KDM2A: variants seen among roughly 807,000 people sequenced by gnomAD.
KDM2A encodes the protein lysine demethylase 2A, also known as lysine-specific demethylase 2A.
In KDM2A, 3 loss-of-function variants were observed where a neutral mutation model predicts 137.3. The ratio of observed to expected loss-of-function variants is 0.02; its 90% CI spans 0.01 to 0.06. The LOEUF (loss-of-function observed/expected upper bound fraction) is 0.06, where lower values mean the gene tolerates loss of function less well. Among genes scored for constraint, KDM2A ranks in the 10% least tolerant of loss-of-function variants. The pLI, the probability that KDM2A is intolerant of heterozygous loss-of-function variation, is 1.00. For missense variants in KDM2A, 738 were observed against 1,510.6 expected (o/e 0.49, Z 8.48); for synonymous variants, 512 against 541.5 (o/e 0.95, Z 0.76).
chr11:67,133,582 T>C (rs77530290), intron 2 of KDM2A, among the ~76,000 whole-genome samples: 4,628 of 151,996 alleles, frequency 0.03, 106 homozygotes, highest in African/African-American at 0.065. Flanking sequence ...TTTATATTTT[T>C]AGTAGAGACG....
At position 67,215,428 on chromosome 11, in the gene KDM2A, A is replaced by G; in HGVS notation, c.575A>G (p.Gln192Arg). The G allele has an allele frequency of 6.2e-7, 1 of 1,612,502 alleles. No individual in the cohort carries two copies. Among genetic ancestry groups the G allele is most frequent in the Non-Finnish European group, 8.5e-7 (1 of 1,178,648 alleles). Residue 192 changes from glutamine (Q) to arginine (R), a missense_variant, in exon 7 of 21, where the codon CAG becomes CGG. Physicochemically the swap from Gln to Arg is conservative, Grantham distance 43 (BLOSUM62 1). Coordinates refer to ENST00000529006, the MANE Select transcript of KDM2A (RefSeq NM_012308.3). ...TESTNAILEMQYPKVQKYCLM... is the reference protein window; with the variant it reads ...TESTNAILEMRYPKVQKYCLM... ...TCAACAAATGCCATCTTGGAGATGC[A>G]GTACCCTAAAGTGCAGAAGTAAGTG...
At chr11:67,155,989 C>T (rs185783880) in intron 2 of KDM2A, among the ~76,000 whole-genome samples, 1 of 147,572 alleles carries the variant, frequency 6.8e-6, no homozygotes, top group Non-Finnish European at 1.5e-5. Context: ...GGGCTCACGC[C>T]TGTAATCCCA....
At chr11:67,182,858 C>A (rs1857121425) in intron 5 of KDM2A, among the ~76,000 whole-genome samples, 1 of 152,116 alleles carries the variant, frequency 6.6e-6, no homozygotes, top group Admixed American at 6.6e-5. Context: ...TGAAATGCGT[C>A]CAATAGGACT....
Position 67,248,286 on chromosome 11 carries a change from C to T in KDM2A, c.1971C>T (p.Asp657=), listed in dbSNP as rs755557910. 1.5e-5 allele frequency: 24 copies of T among 1,603,572 alleles called. No individual in the cohort carries two copies. Among genetic ancestry groups the T allele is most frequent in the Middle Eastern group, 1.6e-4 (1 of 6,070 alleles). ...ACATCTCTGTCTTCCTATAGATGGA[C>T]GGAGAGGGGTTGCTTAACGAAGAAT... is the stretch of plus-strand genomic sequence containing the variant. ...EIVHPGCLQM[D]GEGLLNEELP... The change falls in exon 16 of 21, where the codon GAC becomes GAT. Residue 657 remains aspartate, a synonymous_variant. Transcript: ENST00000529006.
chr11:67,203,165 C>G (rs1167890349), intron 5 of KDM2A, among the ~76,000 whole-genome samples: 3 of 152,100 alleles, frequency 2.0e-5, no homozygotes, highest in African/African-American at 7.2e-5. Flanking sequence ...ACTGAAGGCT[C>G]AGATGATTGT....
At chr11:67,225,978 T>G (rs1003019902) in intron 10 of KDM2A, among the ~76,000 whole-genome samples, 13 of 152,024 alleles carry the variant, frequency 8.6e-5, no homozygotes, top group Non-Finnish European at 7.4e-5. Flanking sequence ...GGCAGGAGAA[T>G]CGCTTGAACC....
intron 2 of KDM2A, among the ~76,000 whole-genome samples, chr11:67,171,452 C>A (rs1293466355): frequency 7.3e-5 from 11 of 150,432 alleles, no homozygotes; most frequent in Non-Finnish European, 1.5e-5. Context: ...CATAATGGGG[C>A]CTTAAGTTGT....
intron 5 of KDM2A, among the ~76,000 whole-genome samples, chr11:67,203,864 G>A (rs1351087409): frequency 6.6e-6 from 1 of 150,684 alleles, no homozygotes; most frequent in Non-Finnish European, 1.5e-5. Flanking sequence ...GCAGTGGTGC[G>A]ATCTTGGCTC....
intron 5 of KDM2A, among the ~76,000 whole-genome samples, chr11:67,188,279 G>A (rs1164212141): frequency 1.3e-5 from 2 of 151,976 alleles, no homozygotes. Context: ...TCAGGAGATC[G>A]AGACCATCCT....
chr11:67,129,748 A>G (rs1245180373), intron 2 of KDM2A, among the ~76,000 whole-genome samples: 1 of 144,702 alleles, frequency 6.9e-6, no homozygotes, highest in Non-Finnish European at 1.5e-5. Flanking sequence ...AAAAAAAAAA[A>G]AAGAAAAAGA....
chr11:67,215,644 A>G, intron 7 of KDM2A, 198 bp downstream of exon 7: 1 of 623,766 alleles, frequency 1.6e-6, no homozygotes. Context: ...AGTTAAAGGA[A>G]AAAAAACTTA....
At chr11:67,231,537 C>A in intron 11 of KDM2A, 29 bp from the exon 12 acceptor site, 3 of 1,545,996 alleles carry the variant, frequency 1.9e-6, no homozygotes, top group South Asian at 1.2e-5. Flanking sequence ...GTGAAATGTT[C>A]TTACTGCATT....
At chr11:67,186,948 G>A (rs1354431908) in intron 5 of KDM2A, among the ~76,000 whole-genome samples, 1 of 152,068 alleles carries the variant, frequency 6.6e-6, no homozygotes, top group Non-Finnish European at 1.5e-5. Context: ...AAGTTTAAGG[G>A]CAAAAGCTAA....
At chr11:67,189,794 C>T (rs575562599) in intron 5 of KDM2A, among the ~76,000 whole-genome samples, 2 of 151,730 alleles carry the variant, frequency 1.3e-5, no homozygotes, top group South Asian at 2.1e-4. Context: ...GAGCCAAGAT[C>T]GCACATTGCA....
intron 5 of KDM2A, among the ~76,000 whole-genome samples, chr11:67,182,649 C>T (rs2136337577): frequency 1.3e-5 from 2 of 151,680 alleles, no homozygotes; most frequent in South Asian, 4.2e-4. Flanking sequence ...TCTCCCACCT[C>T]AGCCTCCCGA....
chr11:67,237,833 G>C (rs1357538375), intron 12 of KDM2A, among the ~76,000 whole-genome samples: 2 of 151,682 alleles, frequency 1.3e-5, no homozygotes, highest in African/African-American at 4.8e-5. Flanking sequence ...TGTAGTCCCA[G>C]CTACTCAGGA....
chr11:67,206,168 CAT>C (rs1590784232), intron 5 of KDM2A, among the ~76,000 whole-genome samples: 1 of 152,208 alleles, frequency 6.6e-6, no homozygotes, highest in Non-Finnish European at 1.5e-5. Context: ...CAGTGGCTCA[CAT>C]GTGTAATCCC....
At chr11:67,127,486 TAAG>T (rs985227755) in intron 2 of KDM2A, among the ~76,000 whole-genome samples, 3 of 152,000 alleles carry the variant, frequency 2.0e-5, no homozygotes. Context: ...AAATAAAAAA[TAAG>T]AAATTGAGAG....
chr11:67,213,376 T>C (rs1858054663), intron 6 of KDM2A, among the ~76,000 whole-genome samples: 1 of 152,210 alleles, frequency 6.6e-6, no homozygotes, highest in South Asian at 2.1e-4. Context: ...TGGTTGAGTG[T>C]AGACACTTGA....
Sources: gnomAD v4.1 joint callset for allele counts (sites outside exome capture counted in the v4.1 genomes callset) on GRCh38, gnomAD v4.1.1 for gene constraint, MANE v1.5 for transcripts, NCBI Gene and HGNC (gene_info 2026-07-23, HGNC 2026-07-21) for gene names.